CACNA2D1: variants seen among roughly 807,000 people sequenced by gnomAD.
CACNA2D1 encodes calcium voltage-gated channel auxiliary subunit alpha2delta 1, also known as voltage-dependent calcium channel subunit alpha-2/delta-1.
Under a neutral mutation model 171.5 loss-of-function variants are expected in CACNA2D1, and 53 were observed. The observed-to-expected ratio is 0.31, with a 90% CI of 0.25 to 0.39. CACNA2D1 has a LOEUF of 0.39. Among genes scored for constraint, CACNA2D1 ranks in the 10% least tolerant of loss-of-function variants. CACNA2D1 has a pLI of 1.00. For missense variants in CACNA2D1, 903 were observed against 1,299.8 expected, an observed-to-expected ratio of 0.69 and a Z score of 4.69; for synonymous variants, 442 against 443.1, an observed-to-expected ratio of 1.00 and a Z score of 0.03.
chr7:82,365,605 G>A (rs1175854427), intron 1 of CACNA2D1, among the ~76,000 whole-genome samples: 1 of 152,178 alleles, frequency 6.6e-6, no homozygotes, highest in African/African-American at 2.4e-5. Context: ...ATGGTGTTTT[G>A]TTTATAGCAG....
At chr7:82,260,762 T>G (rs2129331408) in intron 3 of CACNA2D1, among the ~76,000 whole-genome samples, 1 of 152,288 alleles carries the variant, frequency 6.6e-6, no homozygotes, top group African/African-American at 2.4e-5. Flanking sequence ...AAGCCTGTTT[T>G]TAACAATGAC....
At chr7:82,182,561 C>T (rs746091722) in intron 3 of CACNA2D1, among the ~76,000 whole-genome samples, 4 of 147,548 alleles carry the variant, frequency 2.7e-5, no homozygotes, top group Admixed American at 6.7e-5. Context: ...CTTTTTTCTG[C>T]GTTTTTTTTT....
intron 34 of CACNA2D1, among the ~76,000 whole-genome samples, chr7:81,963,641 A>G (rs1378471589): frequency 1.3e-5 from 2 of 152,038 alleles, no homozygotes; most frequent in Non-Finnish European, 2.9e-5. Flanking sequence ...AAGAGGTAGA[A>G]GGTTGCCATC....
At chr7:82,427,453 A>T (rs905764864) in intron 1 of CACNA2D1, among the ~76,000 whole-genome samples, 1 of 152,228 alleles carries the variant, frequency 6.6e-6, no homozygotes, top group Non-Finnish European at 1.5e-5. Context: ...AAAGCCAGAA[A>T]TTCTTCCTTA....
At chr7:82,289,625 A>G (rs2129393312) in intron 3 of CACNA2D1, among the ~76,000 whole-genome samples, 1 of 152,356 alleles carries the variant, frequency 6.6e-6, no homozygotes, top group African/African-American at 2.4e-5. Flanking sequence ...GGGAAAAAAC[A>G]CCATTTAACC....
intron 1 of CACNA2D1, among the ~76,000 whole-genome samples, chr7:82,400,106 C>T (rs1826201882): frequency 6.7e-6 from 1 of 148,894 alleles, no homozygotes; most frequent in African/African-American, 2.5e-5. Context: ...TTACTGTAGC[C>T]TTGTAGTATA....
intron 3 of CACNA2D1, among the ~76,000 whole-genome samples, chr7:82,280,927 C>T (rs1280635720): frequency 6.6e-6 from 1 of 152,148 alleles, no homozygotes; most frequent in Non-Finnish European, 1.5e-5. Flanking sequence ...ATTTGGAATC[C>T]ATTTTAGTGT....
intron 3 of CACNA2D1, among the ~76,000 whole-genome samples, chr7:82,322,451 CA>C (rs11440104): frequency 0.021 from 2,232 of 103,900 alleles, 26 homozygotes; most frequent in East Asian, 0.082. Flanking sequence ...CCTGGCTTTA[CA>C]AAAAAAAAAA....
chr7:82,197,528 A>G (rs2129198689), intron 3 of CACNA2D1, among the ~76,000 whole-genome samples: 1 of 152,270 alleles, frequency 6.6e-6, no homozygotes. Flanking sequence ...GAAATGAATT[A>G]CAAATGGTCT....
chr7:82,061,719 C>A (rs76478133), intron 9 of CACNA2D1, among the ~76,000 whole-genome samples: 2,631 of 152,142 alleles, frequency 0.017, 78 homozygotes, highest in African/African-American at 0.061. Flanking sequence ...ATCAAAGGCT[C>A]GGAGGGAGAT....
intron 1 of CACNA2D1, among the ~76,000 whole-genome samples, chr7:82,440,104 A>G (rs1047792589): frequency 9.9e-5 from 15 of 151,920 alleles, no homozygotes; most frequent in Admixed American, 2.6e-4. Context: ...ATGAGAATTT[A>G]TGCTTATTTC....
intron 3 of CACNA2D1, among the ~76,000 whole-genome samples, chr7:82,319,678 T>G (rs1400689077): frequency 1.3e-5 from 2 of 152,260 alleles, no homozygotes; most frequent in Non-Finnish European, 2.9e-5. Context: ...TGAGTCATTA[T>G]TATTTATTAT....
chr7:82,161,448 A>G (rs1007082963), intron 4 of CACNA2D1, among the ~76,000 whole-genome samples: 6 of 152,056 alleles, frequency 3.9e-5, no homozygotes, highest in African/African-American at 1.4e-4. Flanking sequence ...TGCTGCCTGC[A>G]GGATATGAAT....
intron 1 of CACNA2D1, among the ~76,000 whole-genome samples, chr7:82,432,263 C>T (rs1332228381): frequency 1.3e-5 from 2 of 152,132 alleles, no homozygotes; most frequent in African/African-American, 2.4e-5. Flanking sequence ...ATAGCCCACC[C>T]TAACTCTTCT....
At chr7:82,340,941 A>G (rs17178873) in intron 2 of CACNA2D1, among the ~76,000 whole-genome samples, 1,723 of 152,294 alleles carry the variant, frequency 0.011, 17 homozygotes, top group Non-Finnish European at 0.019. Context: ...AGTAAATTCA[A>G]TATCTTCAAT....
At chr7:81,965,744 G>C in intron 31 of CACNA2D1, 79 bp from the exon 32 acceptor site, 1 of 822,452 alleles carries the variant, frequency 1.2e-6, no homozygotes, top group Admixed American at 1.7e-5. Context: ...TTATATACAT[G>C]ATTAGAGCAA....
At chr7:82,007,574 C>T in intron 16 of CACNA2D1, 105 bp downstream of exon 16, 1 of 727,020 alleles carries the variant, frequency 1.4e-6, no homozygotes. Context: ...CCTCACAAGA[C>T]AATTACACTG....
chr7:82,438,558 T>C (rs1289609486), intron 1 of CACNA2D1, among the ~76,000 whole-genome samples: 1 of 152,184 alleles, frequency 6.6e-6, no homozygotes, highest in East Asian at 1.9e-4. Flanking sequence ...ATCGTTTACA[T>C]GTTTCAGTGC....
At chr7:82,212,609 G>A (rs1451256898) in intron 3 of CACNA2D1, among the ~76,000 whole-genome samples, 1 of 152,206 alleles carries the variant, frequency 6.6e-6, no homozygotes, top group Non-Finnish European at 1.5e-5. Context: ...AGGTTCATGT[G>A]AGCAGATATG....
Sources: gnomAD v4.1 joint callset for allele counts (sites outside exome capture counted in the v4.1 genomes callset) on GRCh38, gnomAD v4.1.1 for gene constraint, MANE v1.5 for transcripts, NCBI Gene and HGNC (gene_info 2026-07-23, HGNC 2026-07-21) for gene names.